Variants in RBFOX1 observed in about 807,000 individuals in gnomAD.
The protein encoded by RBFOX1 is RNA binding fox-1 homolog 1, also known as RNA binding protein fox-1 homolog 1.
In RBFOX1, 8 loss-of-function variants were observed where a neutral mutation model predicts 57.7. The observed-to-expected ratio is 0.14, with a 90% CI of 0.08 to 0.25. The LOEUF (loss-of-function observed/expected upper bound fraction) is 0.25, where lower values mean the gene tolerates loss of function less well. Ranked by LOEUF, RBFOX1 falls within the 10% of genes least tolerant of loss-of-function variation. RBFOX1 has a pLI of 1.00. For missense variants in RBFOX1, 611 were observed against 548.5 expected (o/e 1.11, Z -1.14); for synonymous variants, 326 against 222.4 (o/e 1.47, Z -4.15).
intron 4 of RBFOX1, among the ~76,000 whole-genome samples, chr16:7,120,049 C>G (rs956752680): frequency 6.6e-6 from 1 of 151,378 alleles, no homozygotes; most frequent in African/African-American, 2.4e-5. Context: ...ATAAAATAAA[C>G]TGGAAAAAAT....
intron 11 of RBFOX1, among the ~76,000 whole-genome samples, chr16:7,650,117 G>T (rs1301179463): frequency 6.6e-6 from 1 of 152,036 alleles, no homozygotes; most frequent in African/African-American, 2.4e-5. Context: ...GTATAAGAAG[G>T]AAGGAAGGAA....
intron 4 of RBFOX1, among the ~76,000 whole-genome samples, chr16:7,242,601 G>A (rs929131438): frequency 2.0e-5 from 3 of 152,184 alleles, no homozygotes; most frequent in Non-Finnish European, 2.9e-5. Flanking sequence ...AGAGTAAGCT[G>A]AACAAACTTT....
intron 3 of RBFOX1, among the ~76,000 whole-genome samples, chr16:5,857,350 A>C (rs371247585): frequency 6.6e-6 from 1 of 152,204 alleles, no homozygotes; most frequent in African/African-American, 2.4e-5. Flanking sequence ...ATCATGAAAA[A>C]ATTTTAAATA....
chr16:7,651,593 C>T (rs1472722413), intron 11 of RBFOX1, among the ~76,000 whole-genome samples: 2 of 152,180 alleles, frequency 1.3e-5, no homozygotes, highest in South Asian at 2.1e-4. Context: ...TAAGGTGGAA[C>T]GCTTCTACTC....
intron 4 of RBFOX1, among the ~76,000 whole-genome samples, chr16:7,289,575 C>G (rs2095719747): frequency 6.6e-6 from 1 of 152,072 alleles, no homozygotes; most frequent in South Asian, 2.1e-4. Flanking sequence ...TCATGATTAT[C>G]AGTGCCATCA....
At chr16:6,994,682 C>G (rs146390591) in intron 3 of RBFOX1, among the ~76,000 whole-genome samples, 4 of 152,130 alleles carry the variant, frequency 2.6e-5, no homozygotes, top group Non-Finnish European at 4.4e-5. Context: ...CCTCTCCACC[C>G]GAAAGGATCC....
intron 10 of RBFOX1, chr16:7,614,923 T>G (rs1367437926): frequency 6.6e-6 from 1 of 152,202 alleles, no homozygotes; most frequent in Non-Finnish European, 1.5e-5. Flanking sequence ...TATATAAAGG[T>G]CTTTTTTCCT....
intron 3 of RBFOX1, among the ~76,000 whole-genome samples, chr16:6,826,116 C>G (rs546720873): frequency 6.6e-6 from 1 of 152,178 alleles, no homozygotes; most frequent in African/African-American, 2.4e-5. Context: ...TCATCTTGGT[C>G]ATGCCGTCTC....
chr16:6,478,568 A>C (rs1360234809), intron 2 of RBFOX1, among the ~76,000 whole-genome samples: 6 of 150,668 alleles, frequency 4.0e-5, no homozygotes, highest in Admixed American at 2.0e-4. Flanking sequence ...TCCCAGCTTT[A>C]AAAGTGTCTT....
At chr16:5,445,093 G>C (rs2068201655) in intron 1 of RBFOX1, among the ~76,000 whole-genome samples, 2 of 152,170 alleles carry the variant, frequency 1.3e-5, no homozygotes, top group Non-Finnish European at 2.9e-5. Context: ...TACTCTGGCA[G>C]GTAGGTGGGA....
chr16:6,514,313 C>G (rs755814476), intron 2 of RBFOX1, among the ~76,000 whole-genome samples: 1 of 152,070 alleles, frequency 6.6e-6, no homozygotes, highest in Non-Finnish European at 1.5e-5. Context: ...TCTGGCTTCC[C>G]GAGAGTCTCT....
intron 4 of RBFOX1, among the ~76,000 whole-genome samples, chr16:7,405,399 C>A (rs944357075): frequency 6.6e-6 from 1 of 152,154 alleles, no homozygotes; most frequent in Non-Finnish European, 1.5e-5. Context: ...TTTCCCTGTT[C>A]CACCAGGTGT....
chr16:5,413,141 G>A (rs968725456), intron 1 of RBFOX1, among the ~76,000 whole-genome samples: 22 of 152,170 alleles, frequency 1.4e-4, no homozygotes, highest in African/African-American at 5.3e-4. Context: ...CTGAGCCTCA[G>A]GAGTCCTGAG....
chr16:5,980,700 C>T (rs977982217), intron 4 of RBFOX1, among the ~76,000 whole-genome samples: 9 of 152,054 alleles, frequency 5.9e-5, no homozygotes, highest in Non-Finnish European at 1.0e-4. Context: ...GGTTTCATTC[C>T]CTCTTAGTGC....
In RBFOX1 at chr16:5,331,797, G is replaced by C. The variant is rs150138116; in HGVS notation, c.219+91692G>C. Among the ~76,000 whole-genome samples, 179 of 152,376 alleles carry C rather than the reference G, an allele frequency of 1.2e-3. 1 individual carries two copies. The highest frequency in any genetic ancestry group is 3.7e-3 in the African/African-American group (154 of 41,586). ...AGCCTTGTAGAAGTCACTGATGAAA[G>C]AGCTACCTGGTGGGAGGGGCTTTTG... is the stretch of plus-strand genomic sequence containing the variant. On this transcript the variant is annotated intron_variant, in intron 1 of 2. Coordinates refer to the RBFOX1 transcript ENST00000585867.
At chr16:7,437,261 C>T (rs1270550587) in intron 4 of RBFOX1, among the ~76,000 whole-genome samples, 2 of 146,398 alleles carry the variant, frequency 1.4e-5, no homozygotes, top group South Asian at 2.3e-4. Context: ...CCCCCCCCCC[C>T]TTTCTGTTAT....
intron 1 of RBFOX1, among the ~76,000 whole-genome samples, chr16:6,304,075 G>T (rs1456366211): frequency 6.6e-6 from 1 of 151,730 alleles, no homozygotes; most frequent in Non-Finnish European, 1.5e-5. Flanking sequence ...CTCCCAAAGT[G>T]CTGGGATTAC....
intron 2 of RBFOX1, among the ~76,000 whole-genome samples, chr16:5,581,386 T>G (rs1324508006): frequency 6.6e-6 from 1 of 152,212 alleles, no homozygotes; most frequent in Admixed American, 6.5e-5. Context: ...AATACCTATG[T>G]GTGTCAGTGG....
chr16:6,617,886 A>C (rs895609013), intron 2 of RBFOX1, among the ~76,000 whole-genome samples: 1 of 152,180 alleles, frequency 6.6e-6, no homozygotes, highest in Non-Finnish European at 1.5e-5. Context: ...ATGGAGGTCT[A>C]GAAGTGTCTG....
Sources: gnomAD v4.1 joint callset for allele counts (sites outside exome capture counted in the v4.1 genomes callset) on GRCh38, gnomAD v4.1.1 for gene constraint, MANE v1.5 for transcripts, NCBI Gene and HGNC (gene_info 2026-07-23, HGNC 2026-07-21) for gene names.